IL1RAPL2: variants seen among roughly 807,000 people sequenced by gnomAD.
IL1RAPL2 encodes the protein interleukin 1 receptor accessory protein like 2.
Under a neutral mutation model 44.1 loss-of-function variants are expected in IL1RAPL2, and 3 were observed. That is an observed-to-expected ratio of 0.07 (90% CI 0.03 to 0.18). IL1RAPL2 has a LOEUF of 0.18. IL1RAPL2 is among the 10% of genes least tolerant of loss of function. The pLI, the probability that IL1RAPL2 is intolerant of heterozygous loss-of-function variation, is 1.00. For missense variants in IL1RAPL2, 391 were observed against 496.4 expected, an observed-to-expected ratio of 0.79 and a Z score of 2.02; for synonymous variants, 181 against 178.8, an observed-to-expected ratio of 1.01 and a Z score of -0.10.
At chrX:105,103,036 T>C (rs779719918) in intron 2 of IL1RAPL2, among the ~76,000 whole-genome samples, 120 of 111,659 alleles carry the variant, frequency 1.1e-3, no homozygotes, top group South Asian at 1.9e-3. Context: ...CATGTTCAGT[T>C]TGCCACCTTT....
chrX:105,545,496 T>C (rs760113118), intron 6 of IL1RAPL2, among the ~76,000 whole-genome samples: 4 of 112,327 alleles, frequency 3.6e-5, no homozygotes, highest in Non-Finnish European at 5.6e-5. Flanking sequence ...TTTGATTTTT[T>C]GTGGGAGAGG....
At chrX:105,173,080 C>CA (rs1389260724) in intron 2 of IL1RAPL2, among the ~76,000 whole-genome samples, 1 of 111,057 alleles carries the variant, frequency 9.0e-6, no homozygotes, top group Admixed American at 9.6e-5. Flanking sequence ...GGGGTGAGGA[C>CA]AGAAGGTCCT....
intron 4 of IL1RAPL2, among the ~76,000 whole-genome samples, chrX:105,239,410 G>A (rs1175451794): frequency 1.8e-5 from 2 of 111,412 alleles, no homozygotes; most frequent in Non-Finnish European, 3.8e-5. Flanking sequence ...CTAGAAGAAT[G>A]AAGGACTCCC....
At chrX:105,220,279 G>A (rs2033943107) in intron 3 of IL1RAPL2, 3 of 1,211,240 alleles carry the variant, frequency 2.5e-6, no homozygotes, top group Non-Finnish European at 3.4e-6. Context: ...CCAGGATAAG[G>A]ATATATTCTC....
chrX:105,498,981 C>T (rs1266010470), intron 6 of IL1RAPL2, among the ~76,000 whole-genome samples: 1 of 110,664 alleles, frequency 9.0e-6, no homozygotes, highest in Non-Finnish European at 1.9e-5. Flanking sequence ...AACCCTATTA[C>T]GAACTGTGCA....
chrX:105,713,995 C>A (rs2038236643), intron 6 of IL1RAPL2, among the ~76,000 whole-genome samples: 1 of 111,457 alleles, frequency 9.0e-6, no homozygotes, highest in Admixed American at 9.5e-5. Context: ...AGCCTGAATA[C>A]CTTGCTGCGT....
At chrX:104,828,003 T>C (rs866969300) in intron 2 of IL1RAPL2, among the ~76,000 whole-genome samples, 4 of 111,751 alleles carry the variant, frequency 3.6e-5, no homozygotes, top group African/African-American at 1.3e-4. Flanking sequence ...CTCTAAACTG[T>C]TTATTCTAGT....
chrX:104,860,814 G>A (rs1323179484), intron 2 of IL1RAPL2, among the ~76,000 whole-genome samples: 1 of 110,770 alleles, frequency 9.0e-6, no homozygotes, highest in Non-Finnish European at 1.9e-5. Flanking sequence ...CCAGCAAAGT[G>A]GAAAAAAGTT....
At chrX:105,513,539 A>G (rs1569449428) in intron 6 of IL1RAPL2, among the ~76,000 whole-genome samples, 1 of 111,840 alleles carries the variant, frequency 8.9e-6, no homozygotes. Flanking sequence ...GCAGTTTTTC[A>G]TATGTTTGTT....
At chrX:105,159,543 A>G (rs150054658) in intron 2 of IL1RAPL2, among the ~76,000 whole-genome samples, 10 of 112,707 alleles carry the variant, frequency 8.9e-5, no homozygotes, top group East Asian at 8.4e-4. Flanking sequence ...TTGTATAGAA[A>G]TGAACTAATG....
intron 2 of IL1RAPL2, among the ~76,000 whole-genome samples, chrX:104,828,841 C>A (rs1226035941): frequency 8.9e-6 from 1 of 112,747 alleles, no homozygotes; most frequent in Non-Finnish European, 1.9e-5. Flanking sequence ...GAGGAGGAAT[C>A]TAGAGAGGTA....
intron 1 of IL1RAPL2, among the ~76,000 whole-genome samples, chrX:104,651,099 T>G (rs1039713672): frequency 2.7e-5 from 3 of 112,128 alleles, no homozygotes; most frequent in Non-Finnish European, 5.6e-5. Context: ...TCAGCAAAAT[T>G]TGTTGAATTA....
intron 6 of IL1RAPL2, among the ~76,000 whole-genome samples, chrX:105,544,325 ATTTG>A (rs199577148): frequency 0.052 from 5,791 of 110,806 alleles, 167 homozygotes; most frequent in Middle Eastern, 0.14. Context: ...CTCTTTTTAG[ATTTG>A]TTTATTTGCA....
At chrX:104,910,166 A>C (rs955842580) in intron 2 of IL1RAPL2, among the ~76,000 whole-genome samples, 2 of 111,455 alleles carry the variant, frequency 1.8e-5, no homozygotes, top group Non-Finnish European at 3.8e-5. Flanking sequence ...GAACTCCCTG[A>C]CCCCTTGCGC....
chrX:105,409,880 TGGG>T (rs66840352), intron 5 of IL1RAPL2, among the ~76,000 whole-genome samples: 8 of 101,964 alleles, frequency 7.8e-5, no homozygotes, highest in African/African-American at 2.2e-4. Context: ...AGATAGAGTG[TGGG>T]GGGGGGGTTG....
chrX:105,360,226 C>T (rs901511261), intron 5 of IL1RAPL2, among the ~76,000 whole-genome samples: 2 of 111,302 alleles, frequency 1.8e-5, no homozygotes, highest in African/African-American at 6.5e-5. Context: ...TATATGAGAC[C>T]AGAGAGTGAA....
intron 5 of IL1RAPL2, among the ~76,000 whole-genome samples, chrX:105,471,057 A>G (rs1471269613): frequency 8.9e-6 from 1 of 112,311 alleles, no homozygotes; most frequent in Non-Finnish European, 1.9e-5. Flanking sequence ...TTCCATCCCT[A>G]GGAGAATATA....
intron 6 of IL1RAPL2, among the ~76,000 whole-genome samples, chrX:105,498,876 G>A (rs979134947): frequency 9.0e-6 from 1 of 111,675 alleles, no homozygotes; most frequent in East Asian, 2.8e-4. Flanking sequence ...GAACTGAGCT[G>A]CAAAGCAGGA....
chrX:105,641,651 G>T (rs1398565632), intron 6 of IL1RAPL2, among the ~76,000 whole-genome samples: 1 of 112,053 alleles, frequency 8.9e-6, no homozygotes, highest in African/African-American at 3.2e-5. Context: ...GATGATAGAG[G>T]TGGAGTGATG....
Sources: allele counts gnomAD v4.1 joint callset (sites outside exome capture counted in the v4.1 genomes callset), GRCh38; gene constraint gnomAD v4.1.1; transcripts MANE v1.5; gene names NCBI Gene and HGNC (gene_info 2026-07-23, HGNC 2026-07-21).